CYSTM1: variants seen among roughly 807,000 people sequenced by gnomAD.
CYSTM1 encodes cysteine rich transmembrane module containing 1.
Under a neutral mutation model 13.1 loss-of-function variants are expected in CYSTM1, and 4 were observed. That is an observed-to-expected ratio of 0.31 (90% CI 0.15 to 0.70). CYSTM1 has a LOEUF of 0.70. Among genes scored for constraint, CYSTM1 ranks in the 30% least tolerant of loss-of-function variants. The probability of loss-of-function intolerance (pLI) is 0.72; values close to 1 mark genes in which losing one functional copy is unlikely to be tolerated. For missense variants in CYSTM1, 96 were observed against 121.6 expected (o/e 0.79, Z 0.99); for synonymous variants, 36 against 42.7 (o/e 0.84, Z 0.62).
intron 2 of CYSTM1, among the ~76,000 whole-genome samples, chr5:140,195,940 G>T (rs1284920904): frequency 6.6e-6 from 1 of 151,730 alleles, no homozygotes; most frequent in African/African-American, 2.4e-5. Flanking sequence ...AGCTACTCAG[G>T]AGGCTGAGGC....
At chr5:140,179,795 G>A (rs1478124420) in intron 1 of CYSTM1, among the ~76,000 whole-genome samples, 1 of 151,650 alleles carries the variant, frequency 6.6e-6, no homozygotes, top group Non-Finnish European at 1.5e-5. Flanking sequence ...CGAGTAGCTG[G>A]GACTACAGGC....
chr5:140,225,932 G>A (rs7715649), intron 2 of CYSTM1, among the ~76,000 whole-genome samples: 35,101 of 152,096 alleles, frequency 0.23, 4,084 homozygotes, highest in African/African-American at 0.25. Context: ...CAGGCCCCTT[G>A]CTCCTAGAAT....
At chr5:140,216,669 A>G (rs543108104) in intron 2 of CYSTM1, among the ~76,000 whole-genome samples, 1 of 152,320 alleles carries the variant, frequency 6.6e-6, no homozygotes, top group African/African-American at 2.4e-5. Context: ...CCTGTATGCT[A>G]TCAGGGCTGC....
intron 2 of CYSTM1, among the ~76,000 whole-genome samples, chr5:140,238,284 G>A (rs1442891398): frequency 1.3e-5 from 2 of 152,190 alleles, no homozygotes; most frequent in Non-Finnish European, 2.9e-5. Flanking sequence ...TGCTGATTCT[G>A]TCAGCTCCAT....
In CYSTM1 at chr5:140,175,337, G is replaced by C. The variant is rs1763866399; in HGVS notation, c.-21+52G>C. 1 of 152,634 alleles carries C rather than the reference G, an allele frequency of 6.6e-6. No individual in the cohort carries two copies. The highest frequency in any genetic ancestry group is 2.4e-5 in the African/African-American group (1 of 41,472). 9.5% of individuals were successfully genotyped at this position (152,634 alleles called of 1,614,324 possible). The stretch of plus-strand genomic sequence containing the variant: ...CCAGCTGGGACCAGGGCGGGGATCA[G>C]GCACGGACAGGGCGCGTCCCCGGGC... On this transcript the variant is annotated intron_variant, in intron 1 of 2. Transcript: ENST00000261811. This position sits in a 1 kb window ranked among gnomAD's most constrained non-coding sequence, Gnocchi z 4.9.
chr5:140,238,739 T>C (rs1764713410), intron 2 of CYSTM1, among the ~76,000 whole-genome samples: 1 of 152,218 alleles, frequency 6.6e-6, no homozygotes, highest in Non-Finnish European at 1.5e-5. Flanking sequence ...TTCCCTTCCC[T>C]TCCTACCTCT....
In CYSTM1 at chr5:140,230,830, T is replaced by C. The variant is rs1764610126; in HGVS notation, c.188-12475T>C. Among the ~76,000 whole-genome samples the C allele has an allele frequency of 6.6e-6, 1 of 152,354 alleles. No individual in the cohort carries two copies. The highest frequency in any genetic ancestry group is 2.4e-5 in the African/African-American group (1 of 41,582). On this transcript the variant is annotated intron_variant, in intron 2 of 2. Coordinates refer to ENST00000261811, the MANE Select transcript of CYSTM1 (RefSeq NM_032412.4). The surrounding 1 kb of genome is among the most constrained non-coding windows in gnomAD (Gnocchi z 4.1). Reference sequence around the variant, plus strand: ...AGATTTGTCATATACCACGTTCCCATATACGAATTAGAATATGAGCTAGAA... The same window carrying C: ...AGATTTGTCATATACCACGTTCCCACATACGAATTAGAATATGAGCTAGAA...
chr5:140,201,541 C>T (rs1404735830), intron 2 of CYSTM1: 1 of 152,216 alleles, frequency 6.6e-6, no homozygotes, highest in Non-Finnish European at 1.5e-5. Flanking sequence ...TTTTGCTTAC[C>T]TATACTATAC....
intron 2 of CYSTM1, among the ~76,000 whole-genome samples, chr5:140,213,919 T>G (rs1764399727): frequency 6.6e-6 from 1 of 152,258 alleles, no homozygotes; most frequent in East Asian, 1.9e-4. Flanking sequence ...TGTATTGTAC[T>G]GTTTTGTATT....
intron 2 of CYSTM1, among the ~76,000 whole-genome samples, chr5:140,217,422 A>G (rs1035257352): frequency 2.0e-5 from 3 of 152,074 alleles, no homozygotes; most frequent in Admixed American, 6.6e-5. Flanking sequence ...GCAGATTTGA[A>G]GCCTCTGTGA....
rs527738620 is a variant in CYSTM1 at position 140,207,031 on chromosome 5, A to G, written c.187+12379A>G. On this transcript the variant is annotated intron_variant, in intron 2 of 2. Transcript: ENST00000261811. ...CCTGGGACATCCATTTGAATCTTCCAGTGCCCAAATGGTGTTTTCATGGAA... is the reference window on the plus strand; with the variant it reads ...CCTGGGACATCCATTTGAATCTTCCGGTGCCCAAATGGTGTTTTCATGGAA... Among the ~76,000 whole-genome samples, 4 of 152,314 alleles carry G rather than the reference A, an allele frequency of 2.6e-5. No homozygotes were observed. In the South Asian group the frequency reaches 8.3e-4, roughly 32 times the overall value.
At chr5:140,218,203 C>A (rs929593955) in intron 2 of CYSTM1, among the ~76,000 whole-genome samples, 1 of 152,186 alleles carries the variant, frequency 6.6e-6, no homozygotes, top group Non-Finnish European at 1.5e-5. Context: ...TGGACTAAGG[C>A]AGTACCTTAG....
chr5:140,185,933 G>A (rs1764010871), intron 1 of CYSTM1, among the ~76,000 whole-genome samples: 1 of 152,312 alleles, frequency 6.6e-6, no homozygotes, highest in South Asian at 2.1e-4. Context: ...TTCAGTTTTA[G>A]TAACTTGTGT....
In CYSTM1 at chr5:140,219,981, A is replaced by T. The variant is rs1764471512; in HGVS notation, c.188-23324A>T. On this transcript the variant is annotated intron_variant, in intron 2 of 2. Coordinates refer to ENST00000261811, the MANE Select transcript of CYSTM1 (RefSeq NM_032412.4). This position sits in a 1 kb window ranked among gnomAD's most constrained non-coding sequence, Gnocchi z 4.1. The stretch of plus-strand genomic sequence containing the variant: ...TAACTTCTCTCTTTTTTTTTTCTGT[A>T]ACCCAGTGCCTGAAAACCAGGAGGA... 6.6e-6 allele frequency among the ~76,000 whole-genome samples: 1 copy of T among 151,788 alleles called. No homozygotes were observed. Among genetic ancestry groups the T allele is most frequent in the African/African-American group, 2.4e-5 (1 of 41,334 alleles).
intron 2 of CYSTM1, among the ~76,000 whole-genome samples, chr5:140,224,472 T>C (rs1475959109): frequency 6.6e-6 from 1 of 152,100 alleles, no homozygotes; most frequent in African/African-American, 2.4e-5. Flanking sequence ...CTAGGAAGAT[T>C]AGACAAATAT....
At chr5:140,227,193 C>CT (rs1333892436) in intron 2 of CYSTM1, among the ~76,000 whole-genome samples, 1 of 152,204 alleles carries the variant, frequency 6.6e-6, no homozygotes, top group African/African-American at 2.4e-5. Context: ...TCCTGAGTAC[C>CT]TTCCCAAACC....
intron 2 of CYSTM1, among the ~76,000 whole-genome samples, chr5:140,205,876 A>G (rs1764292170): frequency 6.6e-6 from 1 of 151,762 alleles, no homozygotes; most frequent in Non-Finnish European, 1.5e-5. Flanking sequence ...CTCCAAAGTC[A>G]TCTCTCATCT....
chr5:140,232,624 T>C (rs1764630404), intron 2 of CYSTM1, among the ~76,000 whole-genome samples: 3 of 152,166 alleles, frequency 2.0e-5, no homozygotes, highest in Non-Finnish European at 1.5e-5. Flanking sequence ...TTTTCTCCAG[T>C]TCTTGTTCTG....
At chr5:140,203,377 A>G (rs149223280) in intron 2 of CYSTM1, among the ~76,000 whole-genome samples, 9 of 152,324 alleles carry the variant, frequency 5.9e-5, no homozygotes, top group African/African-American at 1.2e-4. Context: ...AAGTCACACA[A>G]TGTCACATCC....
Sources: gnomAD v4.1 joint callset for allele counts (sites outside exome capture counted in the v4.1 genomes callset) on GRCh38, gnomAD v4.1.1 for gene constraint, Gnocchi (gnomAD v3.1) non-coding constraint, MANE v1.5 for transcripts, NCBI Gene and HGNC (gene_info 2026-07-23, HGNC 2026-07-21) for gene names.